Variants in WWOX observed in about 807,000 individuals in gnomAD.
The protein encoded by WWOX is WW domain containing oxidoreductase, also known as WW domain-containing oxidoreductase.
WWOX carries 69 observed loss-of-function variants against 46.2 expected under a neutral mutation model. The observed-to-expected ratio is 1.49, with a 90% CI of 1.23 to 1.82. The LOEUF (loss-of-function observed/expected upper bound fraction) is 1.82, where lower values mean the gene tolerates loss of function less well. WWOX is among the 40% of genes most tolerant of loss of function. WWOX has a pLI of 0.00. For missense variants in WWOX, 919 were observed against 542.6 expected, an observed-to-expected ratio of 1.69 and a Z score of -6.89; for synonymous variants, 359 against 202.6, an observed-to-expected ratio of 1.77 and a Z score of -6.56.
intron 8 of WWOX, among the ~76,000 whole-genome samples, chr16:78,893,358 C>T (rs1220797350): frequency 6.6e-6 from 1 of 152,138 alleles, no homozygotes; most frequent in South Asian, 2.1e-4. Context: ...GGTTTGAATC[C>T]AAGAGGCTGT....
chr16:79,012,884 G>T (rs575258844), intron 8 of WWOX, among the ~76,000 whole-genome samples: 19 of 152,178 alleles, frequency 1.2e-4, no homozygotes, highest in Non-Finnish European at 5.9e-5. Flanking sequence ...CTGAAGAAAG[G>T]CATCACAAAG....
intron 8 of WWOX, among the ~76,000 whole-genome samples, chr16:78,978,624 G>A (rs565856481): frequency 5.3e-5 from 8 of 152,136 alleles, no homozygotes; most frequent in East Asian, 1.9e-4. Flanking sequence ...TACTGGGGGC[G>A]CCTCAGGAAA....
intron 8 of WWOX, among the ~76,000 whole-genome samples, chr16:78,892,998 C>T (rs8049189): frequency 0.52 from 78,287 of 151,960 alleles, 20,181 homozygotes; most frequent in Admixed American, 0.56. Flanking sequence ...TCAAGAGCGA[C>T]AGCAGGAAGC....
At chr16:78,518,715 G>A (rs988852823) in intron 8 of WWOX, among the ~76,000 whole-genome samples, 1 of 152,108 alleles carries the variant, frequency 6.6e-6, no homozygotes, top group African/African-American at 2.4e-5. Flanking sequence ...GGAACCAGTG[G>A]GCAGCCACAC....
At chr16:78,989,821 C>CGTGTGTGTGTGTGTGTGT in intron 8 of WWOX, among the ~76,000 whole-genome samples, 2 of 136,508 alleles carry the variant, frequency 1.5e-5, no homozygotes, top group South Asian at 5.0e-4. Flanking sequence ...GGTGTGTGAG[C>CGTGTGTGTGTGTGTGTGT]GTGTGTGTGT....
chr16:79,199,224 G>A lies in WWOX; in HGVS notation c.1057-12384G>A, dbSNP rs150555604. Among the ~76,000 whole-genome samples the A allele has an allele frequency of 2.8e-4, 42 of 152,198 alleles. 1 individual carries two copies. In the East Asian group the frequency reaches 7.9e-3, roughly 29 times the overall value. On this transcript the variant is annotated intron_variant, in intron 8 of 8. Transcript: ENST00000566780. ...ACTACAGGTGTGCGCCACCACGCCTGGCTAATTTTTGTATTTTTAGTAGAG... is the reference window on the plus strand; with the variant it reads ...ACTACAGGTGTGCGCCACCACGCCTAGCTAATTTTTGTATTTTTAGTAGAG...
intron 8 of WWOX, among the ~76,000 whole-genome samples, chr16:78,478,181 C>G (rs1166818748): frequency 6.6e-6 from 1 of 152,056 alleles, no homozygotes; most frequent in Middle Eastern, 3.2e-3. Context: ...AGGTTGTATA[C>G]AAGGATATAA....
intron 8 of WWOX, among the ~76,000 whole-genome samples, chr16:78,588,182 TG>T (rs2045264529): frequency 6.6e-6 from 1 of 152,190 alleles, no homozygotes; most frequent in Admixed American, 6.5e-5. Flanking sequence ...TTCCCCTGGG[TG>T]GCTCCATTGC....
chr16:78,131,668 A>G (rs1223262547), intron 4 of WWOX, among the ~76,000 whole-genome samples: 1 of 151,026 alleles, frequency 6.6e-6, no homozygotes, highest in Non-Finnish European at 1.5e-5. Flanking sequence ...TGCAACCTCC[A>G]CGTCCCAGGT....
chr16:79,062,457 C>T (rs868318788), intron 8 of WWOX, among the ~76,000 whole-genome samples: 1 of 152,086 alleles, frequency 6.6e-6, no homozygotes, highest in South Asian at 2.1e-4. Flanking sequence ...GAGGACACTT[C>T]CCGGTGCCGT....
intron 5 of WWOX, among the ~76,000 whole-genome samples, chr16:78,315,819 G>C (rs1480288120): frequency 6.6e-6 from 1 of 151,768 alleles, no homozygotes; most frequent in Non-Finnish European, 1.5e-5. Context: ...GATTCCATTA[G>C]TTTAAAAAAA....
Position 78,929,321 on chromosome 16 carries a change from A to C in WWOX, c.1057-282287A>C, listed in dbSNP as rs1377354623. ...TAAGAGCCTCAAGTGTCCAATAAAA[A>C]GCAAATACTTGAATTTTCAGTTTCT... On this transcript the variant is annotated intron_variant, in intron 8 of 8. Transcript: ENST00000566780. 2.0e-5 allele frequency among the ~76,000 whole-genome samples: 3 copies of C among 152,132 alleles called. No individual in the cohort carries two copies. In the East Asian group the frequency reaches 5.8e-4, roughly 29 times the overall value.
At chr16:79,037,211 A>C (rs2047884686) in intron 8 of WWOX, among the ~76,000 whole-genome samples, 2 of 152,170 alleles carry the variant, frequency 1.3e-5, no homozygotes, top group Admixed American at 1.3e-4. Context: ...TGTAATTGCC[A>C]ACAGTAATTC....
At chr16:79,177,592 T>G (rs189670619) in intron 8 of WWOX, among the ~76,000 whole-genome samples, 233 of 151,738 alleles carry the variant, frequency 1.5e-3, no homozygotes, top group African/African-American at 5.3e-3. Flanking sequence ...GGTGATGGAG[T>G]GGGGGAAAAA....
chr16:78,309,463 C>T (rs992004565), intron 5 of WWOX, among the ~76,000 whole-genome samples: 12 of 152,238 alleles, frequency 7.9e-5, no homozygotes, highest in Middle Eastern at 3.4e-3. Flanking sequence ...CCACGTATGA[C>T]TTGGAAGCCC....
At chr16:79,094,970 C>T (rs915182208) in intron 8 of WWOX, among the ~76,000 whole-genome samples, 24 of 152,222 alleles carry the variant, frequency 1.6e-4, no homozygotes, top group Non-Finnish European at 2.1e-4. Context: ...CTTCTGAATT[C>T]TTCGGGCACA....
chr16:79,047,672 A>ATTTTTTTTTTTTTTTTTTTTT (rs71140858), intron 8 of WWOX, among the ~76,000 whole-genome samples: 2 of 53,542 alleles, frequency 3.7e-5, no homozygotes, highest in African/African-American at 7.7e-5. Flanking sequence ...GACTGTCCTG[A>ATTTTTTTTTTTTTTTTTTTTT]TTTTTTTTTT....
At chr16:78,108,621 G>C (rs1398210913) in intron 2 of WWOX, 134 bp downstream of exon 2, 1 of 926,544 alleles carries the variant, frequency 1.1e-6, no homozygotes, top group African/African-American at 1.7e-5. Flanking sequence ...CCACTCTGAG[G>C]AGCTTATGGG....
chr16:78,855,588 G>T (rs1362446203), intron 8 of WWOX, among the ~76,000 whole-genome samples: 1 of 152,178 alleles, frequency 6.6e-6, no homozygotes, highest in Non-Finnish European at 1.5e-5. Context: ...AATACTTCCT[G>T]CTCAGAGCTG....
Sources: gnomAD v4.1 joint callset for allele counts (sites outside exome capture counted in the v4.1 genomes callset) on GRCh38, gnomAD v4.1.1 for gene constraint, MANE v1.5 for transcripts, NCBI Gene and HGNC (gene_info 2026-07-23, HGNC 2026-07-21) for gene names.